Variants in PITPNC1 observed in about 807,000 individuals in gnomAD.
The protein encoded by PITPNC1 is phosphatidylinositol transfer protein cytoplasmic 1.
A neutral mutation model predicts 44.7 loss-of-function variants in PITPNC1; 18 were observed. That is an observed-to-expected ratio of 0.40 (90% CI 0.28 to 0.60). The LOEUF is 0.60. PITPNC1 is among the 20% of genes least tolerant of loss of function. PITPNC1 has a pLI of 0.39. For synonymous variants in PITPNC1, 141 were observed against 149.6 expected (o/e 0.94, Z 0.42); for missense variants, 290 against 418.4 (o/e 0.69, Z 2.68).
chr17:67,476,492 C>G (rs2039632027), intron 1 of PITPNC1, among the ~76,000 whole-genome samples: 1 of 151,930 alleles, frequency 6.6e-6, no homozygotes, highest in Non-Finnish European at 1.5e-5. Context: ...GGCCTAGAGA[C>G]TAAATTTCTT....
chr17:67,411,731 T>C (rs2038501344), intron 1 of PITPNC1, among the ~76,000 whole-genome samples: 1 of 152,142 alleles, frequency 6.6e-6, no homozygotes, highest in Non-Finnish European at 1.5e-5. Context: ...ATGGACTTGC[T>C]CCTTATTCCT....
At chr17:67,424,173 A>G (rs966011703) in intron 1 of PITPNC1, among the ~76,000 whole-genome samples, 4 of 151,964 alleles carry the variant, frequency 2.6e-5, no homozygotes, top group Non-Finnish European at 4.4e-5. Context: ...AAGCAGGAAA[A>G]CTAGCGAATG....
intron 1 of PITPNC1, among the ~76,000 whole-genome samples, chr17:67,454,444 A>G (rs2039227427): frequency 6.6e-6 from 1 of 152,158 alleles, no homozygotes; most frequent in Admixed American, 6.6e-5. Context: ...ATTAAACACA[A>G]AGATTTAGAA....
intron 1 of PITPNC1, among the ~76,000 whole-genome samples, chr17:67,382,636 T>C (rs2037979859): frequency 6.6e-6 from 1 of 152,108 alleles, no homozygotes; most frequent in South Asian, 2.1e-4. Flanking sequence ...TTTGTTTCTT[T>C]TTCTGAGCCA....
chr17:67,603,134 AG>A (rs1187213450), intron 5 of PITPNC1, among the ~76,000 whole-genome samples: 1 of 152,148 alleles, frequency 6.6e-6, no homozygotes, highest in African/African-American at 2.4e-5. Flanking sequence ...CCTTTTCCCC[AG>A]GTTTCAAAGT....
At chr17:67,619,172 C>T (rs1460969370) in intron 5 of PITPNC1, among the ~76,000 whole-genome samples, 1 of 152,194 alleles carries the variant, frequency 6.6e-6, no homozygotes, top group Non-Finnish European at 1.5e-5. Flanking sequence ...TTCTAACAGG[C>T]ATGTCCATGA....
At chr17:67,529,363 T>C (rs1284106042) in intron 1 of PITPNC1, among the ~76,000 whole-genome samples, 4 of 152,168 alleles carry the variant, frequency 2.6e-5, no homozygotes, top group Admixed American at 2.0e-4. Flanking sequence ...GTGGTGGAAA[T>C]AGCTCTTCTG....
intron 6 of PITPNC1, among the ~76,000 whole-genome samples, chr17:67,664,929 A>C (rs1016754314): frequency 3.3e-5 from 5 of 151,688 alleles, no homozygotes; most frequent in Admixed American, 6.6e-5. Context: ...AAGAAGAAGA[A>C]GACTTTGTTT....
intron 1 of PITPNC1, among the ~76,000 whole-genome samples, chr17:67,465,989 CTTTATTTA>C (rs35282153): frequency 5.4e-5 from 8 of 148,626 alleles, no homozygotes; most frequent in South Asian, 2.1e-4. Flanking sequence ...CAAGGTCGGC[CTTTATTTA>C]TTTATTTATT....
chr17:67,500,635 G>A (rs2040013687), intron 1 of PITPNC1, among the ~76,000 whole-genome samples: 1 of 149,284 alleles, frequency 6.7e-6, no homozygotes, highest in Non-Finnish European at 1.5e-5. Context: ...TTTATGGTTT[G>A]AATTATATCT....
chr17:67,494,041 T>C (rs1277727659), intron 1 of PITPNC1, among the ~76,000 whole-genome samples: 1 of 152,216 alleles, frequency 6.6e-6, no homozygotes, highest in African/African-American at 2.4e-5. Flanking sequence ...AACCATCCCC[T>C]GTCCTTGCGG....
chr17:67,432,354 G>C (rs1183664834), intron 1 of PITPNC1, among the ~76,000 whole-genome samples: 1 of 152,230 alleles, frequency 6.6e-6, no homozygotes, highest in Non-Finnish European at 1.5e-5. Flanking sequence ...CGGGCGTGGT[G>C]GTGGGCACCT....
At chr17:67,568,085 C>T (rs975417022) in intron 4 of PITPNC1, among the ~76,000 whole-genome samples, 3 of 151,816 alleles carry the variant, frequency 2.0e-5, no homozygotes, top group African/African-American at 7.3e-5. Context: ...TCATAGTAGC[C>T]AAAAAATAGA....
intron 1 of PITPNC1, among the ~76,000 whole-genome samples, chr17:67,441,031 C>A (rs2039005228): frequency 6.6e-6 from 1 of 152,146 alleles, no homozygotes; most frequent in Non-Finnish European, 1.5e-5. Context: ...TTGGGTGCAT[C>A]TGTCAGGGTT....
At chr17:67,467,702 C>T (rs1478098520) in intron 1 of PITPNC1, among the ~76,000 whole-genome samples, 1 of 152,180 alleles carries the variant, frequency 6.6e-6, no homozygotes. Context: ...AAAGCAAAGC[C>T]ACCTGCCAGC....
chr17:67,590,714 G>A (rs551931399), intron 5 of PITPNC1, among the ~76,000 whole-genome samples: 6 of 152,174 alleles, frequency 3.9e-5, no homozygotes, highest in Non-Finnish European at 5.9e-5. Flanking sequence ...TGTAATCCCA[G>A]CACTTTAGCA....
At chr17:67,416,607 C>T (rs569783040) in intron 1 of PITPNC1, among the ~76,000 whole-genome samples, 26 of 152,232 alleles carry the variant, frequency 1.7e-4, no homozygotes, top group African/African-American at 6.0e-4. Context: ...CATCCCTTGG[C>T]CCCCACCTCT....
At chr17:67,569,299 A>G (rs2041021274) in intron 4 of PITPNC1, among the ~76,000 whole-genome samples, 1 of 152,206 alleles carries the variant, frequency 6.6e-6, no homozygotes, top group Non-Finnish European at 1.5e-5. Context: ...TCTGTAGTGA[A>G]TTGGAAATTC....
intron 2 of PITPNC1, among the ~76,000 whole-genome samples, chr17:67,549,567 C>T (rs2040730427): frequency 6.6e-6 from 1 of 152,106 alleles, no homozygotes; most frequent in Non-Finnish European, 1.5e-5. Context: ...AAAGTCTCGA[C>T]TTGGATGGAA....
Sources: allele counts gnomAD v4.1 joint callset (sites outside exome capture counted in the v4.1 genomes callset), GRCh38; gene constraint gnomAD v4.1.1; transcripts MANE v1.5; gene names NCBI Gene and HGNC (gene_info 2026-07-23, HGNC 2026-07-21).